The following LAMA1 variants were observed in gnomAD, a reference collection of about 807,000 sequenced individuals.
LAMA1 encodes laminin subunit alpha-1.
Under a neutral mutation model 348.7 loss-of-function variants are expected in LAMA1, and 219 were observed. The ratio of observed to expected loss-of-function variants is 0.63; its 90% CI spans 0.56 to 0.70. The LOEUF is 0.70. Among genes scored for constraint, LAMA1 ranks in the 30% least tolerant of loss-of-function variants. The pLI is 0.00. For synonymous variants in LAMA1, 1,487 were observed against 1,491.0 expected (o/e 1.00, Z 0.06); for missense variants, 3,744 against 3,888.0 (o/e 0.96, Z 0.99).
At chr18:7,038,661 G>A (rs2058006852) in intron 11 of LAMA1, 149 bp downstream of exon 11, 2 of 1,011,914 alleles carry the variant, frequency 2.0e-6, no homozygotes, top group African/African-American at 1.6e-5. Context: ...AGAGGCAGAC[G>A]GCTGCCTTTG....
intron 32 of LAMA1, among the ~76,000 whole-genome samples, chr18:6,999,201 C>A (rs1429687763): frequency 6.6e-6 from 1 of 152,186 alleles, no homozygotes; most frequent in Non-Finnish European, 1.5e-5. Context: ...GTTGAAATCA[C>A]TGTGCTGCTC....
intron 44 of LAMA1, among the ~76,000 whole-genome samples, chr18:6,977,452 A>G (rs2057687653): frequency 6.6e-6 from 1 of 152,260 alleles, no homozygotes; most frequent in African/African-American, 2.4e-5. Flanking sequence ...TTTTAAATTT[A>G]GTCTATAATG....
Position 7,037,090 on chromosome 18 carries a change from G to A in LAMA1, c.1737+488C>T, listed in dbSNP as rs116288499. ...AACAAAAGCAGAAAGTATTCCATCT[G>A]TTCCTAAATGTGAGCTTCAGATGAG... On this transcript the variant is annotated intron_variant, in intron 12 of 62. Coordinates refer to ENST00000389658, the MANE Select transcript of LAMA1 (RefSeq NM_005559.4). 3.1e-3 allele frequency among the ~76,000 whole-genome samples: 475 copies of A among 152,310 alleles called. 2 individuals carry two copies. The highest frequency in any genetic ancestry group is 0.011 in the African/African-American group (453 of 41,566).
intron 1 of LAMA1, among the ~76,000 whole-genome samples, chr18:7,096,627 T>C (rs9947199): frequency 0.26 from 38,859 of 151,726 alleles, 5,175 homozygotes; most frequent in South Asian, 0.34. Flanking sequence ...TGCAATCCAG[T>C]CTAGGTGACC....
At chr18:7,026,816 T>G (rs2057945606) in intron 16 of LAMA1, among the ~76,000 whole-genome samples, 3 of 151,936 alleles carry the variant, frequency 2.0e-5, no homozygotes, top group African/African-American at 4.8e-5. Context: ...GCTAACACGG[T>G]GAAACCCCAT....
At chr18:7,078,370 G>A (rs540629242) in intron 3 of LAMA1, among the ~76,000 whole-genome samples, 2 of 151,518 alleles carry the variant, frequency 1.3e-5, no homozygotes, top group African/African-American at 2.4e-5. Context: ...GTTTCACCGT[G>A]TTAGCCAGGA....
chr18:7,028,536 A>AAGCCTTT (rs1290522698), intron 16 of LAMA1, among the ~76,000 whole-genome samples: 1 of 152,238 alleles, frequency 6.6e-6, no homozygotes, highest in African/African-American at 2.4e-5. Flanking sequence ...AACTGAAGGC[A>AAGCCTTT]AGCCTTTTTC....
chr18:6,967,097 A>G (rs1177901603), intron 48 of LAMA1, among the ~76,000 whole-genome samples: 1 of 152,220 alleles, frequency 6.6e-6, no homozygotes, highest in East Asian at 1.9e-4. Context: ...AACAAAACTC[A>G]GTGCCACATT....
At chr18:7,043,695 A>G (rs2058030038) in intron 7 of LAMA1, among the ~76,000 whole-genome samples, 2 of 152,170 alleles carry the variant, frequency 1.3e-5, no homozygotes, top group Non-Finnish European at 2.9e-5. Context: ...TCACTGCACC[A>G]TTGTTTGTGT....
At chr18:7,083,388 GT>G (rs1442530148) in intron 1 of LAMA1, among the ~76,000 whole-genome samples, 3 of 151,892 alleles carry the variant, frequency 2.0e-5, no homozygotes, top group African/African-American at 7.2e-5. Context: ...GTTTCACCAT[GT>G]TGGTCAGGCT....
chr18:7,017,329 C>G lies in LAMA1; in HGVS notation c.2757G>C (p.Gly919=). ...TCACGTTTGGTTTGCAGTCACAGAGCCCGGTCTCAAGATGGCACACGGCAG... is the reference window on the plus strand; with the variant it reads ...TCACGTTTGGTTTGCAGTCACAGAGGCCGGTCTCAAGATGGCACACGGCAG... The part of the protein sequence containing the change: ...SHSAVCHLET[G]LCDCKPNVTG... Residue 919 remains glycine (G), a synonymous_variant, in exon 20 of 63, where the codon GGG becomes GGC. Coordinates refer to ENST00000389658, the MANE Select transcript of LAMA1 (RefSeq NM_005559.4). 1 of 1,614,058 alleles carries G rather than the reference C, an allele frequency of 6.2e-7. No homozygotes were observed. Among genetic ancestry groups the G allele is most frequent in the Non-Finnish European group, 8.5e-7 (1 of 1,180,008 alleles).
chr18:6,971,947 C>T lies in LAMA1; in HGVS notation c.6809G>A (p.Gly2270Asp), dbSNP rs2057660501. 1.2e-6 allele frequency: 2 copies of T among 1,614,046 alleles called. No individual in the cohort carries two copies. The highest frequency in any genetic ancestry group is 1.7e-6 in the Non-Finnish European group (2 of 1,180,002). ...ATTCAGGAAGGCCTCCCCCAAGCAG[C>T]CTTTAAAATGAGTAACCTTCACAGC... ...SPAVKVTHFKGCLGEAFLNGK... is the reference protein window; with the variant it reads ...SPAVKVTHFKDCLGEAFLNGK... Residue 2270 changes from glycine (G) to aspartate (D), a missense_variant, in exon 48 of 63, where the codon GGC becomes GAC. Gly to Asp is a moderately conservative substitution (Grantham distance 94). Coordinates refer to ENST00000389658, the MANE Select transcript of LAMA1 (RefSeq NM_005559.4).
chr18:7,075,555 G>A (rs535519657), intron 3 of LAMA1, among the ~76,000 whole-genome samples: 5 of 152,020 alleles, frequency 3.3e-5, no homozygotes, highest in South Asian at 4.2e-4. Context: ...CCTGGGAGGC[G>A]GAGGTTGCAG....
rs1169877701 is a variant in LAMA1, at chr18:6,988,808, TA to T, written c.5169-2462del. On this transcript the variant is annotated intron_variant, in intron 36 of 62. Coordinates refer to ENST00000389658, the MANE Select transcript of LAMA1 (RefSeq NM_005559.4). ...GGAGACAGAGGAGACTCCGTCTCAATAAAAAAAAAAAAAAAAAAAAAATCTT... is the reference window on the plus strand; with the variant it reads ...GGAGACAGAGGAGACTCCGTCTCAATAAAAAAAAAAAAAAAAAAAAATCTT... Among the ~76,000 whole-genome samples the T allele has an allele frequency of 2.1e-3, 209 of 100,464 alleles. 1 individual carries two copies. The highest frequency in any genetic ancestry group is 0.014 in the Middle Eastern group (2 of 146). 65.9% of individuals were successfully genotyped at this position (100,464 alleles called of 152,430 possible).
intron 1 of LAMA1, among the ~76,000 whole-genome samples, chr18:7,096,225 C>G (rs184213074): frequency 1.1e-3 from 162 of 152,306 alleles, no homozygotes; most frequent in African/African-American, 3.8e-3. Flanking sequence ...CCAGAGGCAC[C>G]CTGCTCTTTC....
In LAMA1 at chr18:6,997,833, C is replaced by T. The variant is rs916152680; in HGVS notation, c.4715G>A (p.Gly1572Asp). The change falls in exon 33 of 63, where the codon GGT (glycine) becomes GAT (aspartate). Residue 1572 changes from glycine (G) to aspartate (D), a missense_variant. By Grantham distance (94) the Gly-to-Asp change is moderately conservative. Around this residue, in one of 3 missense-constraint regions of LAMA1, gnomAD observed 1,983 missense variants for 1,934.3 expected, o/e 1.03. Transcript: ENST00000389658. ...GVLLNDLDEI[G>D]DAVLSLNLTG... The stretch of plus-strand genomic sequence containing the variant: ...GAGGTTCAGAGAAAGAACGGCATCA[C>T]CAATCTCATCCAAGTCATTCAGCAG... 1.5e-5 allele frequency: 24 copies of T among 1,614,054 alleles called. No homozygotes were observed. The East Asian group carries it at 5.1e-4, about 34-fold the overall frequency.
chr18:6,963,443 T>C (rs951270867), intron 51 of LAMA1, among the ~76,000 whole-genome samples: 2 of 152,156 alleles, frequency 1.3e-5, no homozygotes, highest in African/African-American at 4.8e-5. Flanking sequence ...TTTAAATGGA[T>C]TCAATTCTAA....
chr18:7,039,447 A>AT (rs2058010897), intron 10 of LAMA1, among the ~76,000 whole-genome samples: 1 of 152,240 alleles, frequency 6.6e-6, no homozygotes, highest in South Asian at 2.1e-4. Flanking sequence ...TGCATTTCTT[A>AT]TGACTATTCA....
chr18:7,107,719 G>A (rs148551382), intron 1 of LAMA1, among the ~76,000 whole-genome samples: 142 of 152,264 alleles, frequency 9.3e-4, no homozygotes, highest in Non-Finnish European at 1.3e-3. Flanking sequence ...CTCCAATGAG[G>A]TGTTAACTCT....
Sources: gnomAD v4.1 joint callset for allele counts (sites outside exome capture counted in the v4.1 genomes callset) on GRCh38, gnomAD v4.1.1 for gene constraint, gnomAD v4.1.1 regional missense constraint, MANE v1.5 for transcripts, NCBI Gene and HGNC (gene_info 2026-07-23, HGNC 2026-07-21) for gene names.